CD163L1: variants seen among roughly 807,000 people sequenced by gnomAD.
CD163L1 encodes CD163 molecule like 1.
A neutral mutation model predicts 165.4 loss-of-function variants in CD163L1; 124 were observed. The ratio of observed to expected loss-of-function variants is 0.75; its 90% confidence interval spans 0.65 to 0.87. CD163L1 has a LOEUF of 0.87. Among genes scored for constraint, CD163L1 ranks in the 40% least tolerant of loss-of-function variants. The pLI is 0.00. For missense variants in CD163L1, 1,525 were observed against 1,799.9 expected (o/e 0.85, Z 2.76); for synonymous variants, 585 against 662.2 (o/e 0.88, Z 1.79).
At chr12:7,358,390 T>C (rs902503201) in intron 18 of CD163L1, among the ~76,000 whole-genome samples, 1 of 152,074 alleles carries the variant, frequency 6.6e-6, no homozygotes, top group Non-Finnish European at 1.5e-5. Context: ...CATTTTGAAG[T>C]ACATATAAAA....
In CD163L1 at chr12:7,432,857, T is replaced by A. The variant is rs1948653258; in HGVS notation, c.446-121A>T. The A allele has an allele frequency of 2.5e-6, 2 of 786,808 alleles. No individual in the cohort carries two copies. The highest frequency in any genetic ancestry group is 3.8e-6 in the Non-Finnish European group (2 of 527,566). 48.7% of individuals were successfully genotyped at this position (786,808 alleles called of 1,614,324 possible). A position where few individuals can be genotyped will look rare whatever the true frequency, so the allele number is the denominator to read the frequency against. On this transcript the variant is annotated intron_variant, in intron 3 of 19. Coordinates refer to ENST00000313599, the MANE Select transcript of CD163L1 (RefSeq NM_174941.6). The surrounding 1 kb of genome is among the most constrained non-coding windows in gnomAD (Gnocchi z 4.2). Reference sequence around the variant, plus strand: ...GAAGTTACCAAAAATTAAAAAAAAATAACTGAAAATACTTATAGGAGGGGT... The same window carrying A: ...GAAGTTACCAAAAATTAAAAAAAAAAAACTGAAAATACTTATAGGAGGGGT...
intron 8 of CD163L1, among the ~76,000 whole-genome samples, chr12:7,389,467 T>C (rs531343460): frequency 2.6e-4 from 39 of 152,132 alleles, no homozygotes; most frequent in Middle Eastern, 3.4e-3. Flanking sequence ...ATCAAAACAA[T>C]TGAACTCATG....
chr12:7,410,243 A>T (rs370723148), intron 4 of CD163L1, among the ~76,000 whole-genome samples: 207 of 152,304 alleles, frequency 1.4e-3, no homozygotes, highest in African/African-American at 4.9e-3. Flanking sequence ...TAAGAAGACA[A>T]ATATTTGTGT....
chr12:7,353,432 C>T (rs1946722239), downstream of CD163L1, among the ~76,000 whole-genome samples: 1 of 149,846 alleles, frequency 6.7e-6, no homozygotes, highest in Admixed American at 7.1e-5. Context: ...TCCAATGAAA[C>T]TTAAGGAAGA....
intron 8 of CD163L1, among the ~76,000 whole-genome samples, chr12:7,390,117 T>C (rs900931580): frequency 6.6e-6 from 1 of 151,662 alleles, no homozygotes; most frequent in African/African-American, 2.4e-5. Flanking sequence ...TCACAAGTTC[T>C]CACTCATATA....
intron 2 of CD163L1, among the ~76,000 whole-genome samples, chr12:7,437,898 T>TAA (rs543607004): frequency 7.3e-6 from 1 of 137,706 alleles, no homozygotes; most frequent in East Asian, 2.0e-4. Context: ...TTTATTATTA[T>TAA]AAAAAAAAAA....
rs770815799 is a variant in CD163L1 at position 7,421,688 on chromosome 12, TAC to T, written c.766+10726_766+10727del. On this transcript the variant is annotated intron_variant, in intron 4 of 19. Coordinates refer to ENST00000313599, the MANE Select transcript of CD163L1 (RefSeq NM_174941.6). ...ATACATATACGTGCATATGTACATATACATATATGTATGTGTACATAAATACA... is the reference window on the plus strand; with the variant it reads ...ATACATATACGTGCATATGTACATATATATATGTATGTGTACATAAATACA... Among the ~76,000 whole-genome samples, 605 of 143,096 alleles carry T rather than the reference TAC, an allele frequency of 4.2e-3. 7 individuals are homozygous for T. The highest frequency in any genetic ancestry group is 0.015 in the African/African-American group (569 of 38,448). The allele number at this position is 143,096 out of a possible 152,430, so 93.9% of individuals were successfully genotyped here.
At chr12:7,348,058 C>A (rs750004655) in intron 4 of CD163L1, among the ~76,000 whole-genome samples, 24 of 152,244 alleles carry the variant, frequency 1.6e-4, no homozygotes, top group African/African-American at 5.8e-4. Context: ...TTTAAAGTAT[C>A]CCCTTCACTC....
chr12:7,364,146 T>C (rs185741805), intron 18 of CD163L1, among the ~76,000 whole-genome samples: 156 of 152,158 alleles, frequency 1.0e-3, no homozygotes, highest in African/African-American at 3.5e-3. Flanking sequence ...AGCAAATCAA[T>C]AAAAAAGTGA....
chr12:7,413,462 C>G (rs1261802043), intron 4 of CD163L1, among the ~76,000 whole-genome samples: 2 of 152,200 alleles, frequency 1.3e-5, no homozygotes, highest in African/African-American at 2.4e-5. Context: ...ACACATCCTA[C>G]CAACCAGCTC....
Position 7,368,020 on chromosome 12 carries a change from T to TCC in CD163L1, c.4183+65_4183+66dup, listed in dbSNP as rs750257640. On this transcript the variant is annotated intron_variant, in intron 17 of 19. Transcript: ENST00000313599. The surrounding 1 kb of genome is among the most constrained non-coding windows in gnomAD (Gnocchi z 4.3). ...GTGCATTTCTTCCATTCTGCAAGAA[T>TCC]CCCCCATCCTGTGTGCCCTTGGTGG... The TCC allele has an allele frequency of 2.2e-6, 2 of 893,048 alleles. No homozygotes were observed. 55.3% of individuals were successfully genotyped at this position (893,048 alleles called of 1,614,324 possible).
chr12:7,406,610 A>G lies in CD163L1; in HGVS notation c.1009T>C (p.Phe337Leu). Residue 337 changes from phenylalanine (F) to leucine (L), a missense_variant, in exon 5 of 20, where the codon TTT becomes CTT. Physicochemically the swap from Phe to Leu is conservative, Grantham distance 22. Coordinates refer to ENST00000313599, the MANE Select transcript of CD163L1 (RefSeq NM_174941.6). ...DGVSCSGNES[F>L]LWDCRHSGTV... is the part of the protein sequence containing the mutation. ...CCGGAATGTCTGCAGTCCCAAAGAA[A>G]AGATTCATTACCGGAGCAGGAGACA... 1 of 1,614,088 alleles carries G rather than the reference A, an allele frequency of 6.2e-7. No individual in the cohort carries two copies. Among genetic ancestry groups the G allele is most frequent in the Non-Finnish European group, 8.5e-7 (1 of 1,179,994 alleles).
chr12:7,425,931 C>T (rs778851947), intron 4 of CD163L1, among the ~76,000 whole-genome samples: 2 of 152,296 alleles, frequency 1.3e-5, no homozygotes, highest in Non-Finnish European at 1.5e-5. Flanking sequence ...ACCCATCAAT[C>T]CCATTACTGG....
At chr12:7,415,714 A>G (rs1428392549) in intron 4 of CD163L1, among the ~76,000 whole-genome samples, 1 of 152,114 alleles carries the variant, frequency 6.6e-6, no homozygotes, top group East Asian at 1.9e-4. Flanking sequence ...GCTGAGAATG[A>G]TGGTTTCCAG....
At chr12:7,329,722 T>G in the CD163L1 span, among the ~76,000 whole-genome samples, 1 of 152,110 alleles carries the variant, frequency 6.6e-6, no homozygotes, top group African/African-American at 2.4e-5. Context: ...AGTAACATGC[T>G]CAAATGTCAG....
At chr12:7,379,323 T>G in intron 8 of CD163L1, 25 bp from the exon 9 acceptor site, 1 of 1,608,586 alleles carries the variant, frequency 6.2e-7, no homozygotes. Flanking sequence ...CACAATGATT[T>G]TAGAGAAGCA....
Position 7,398,664 on chromosome 12 carries a change from C to A in CD163L1, c.1409-80G>T, listed in dbSNP as rs1441982792. The A allele has an allele frequency of 3.2e-6, 4 of 1,262,514 alleles. No individual in the cohort carries two copies. Among genetic ancestry groups the A allele is most frequent in the South Asian group, 1.7e-5 (1 of 60,404 alleles). The allele number at this position is 1,262,514 out of a possible 1,614,324, so 78.2% of individuals were successfully genotyped here. A position where few individuals can be genotyped will look rare whatever the true frequency, so the allele number is the denominator to read the frequency against. ...AGACTGAAAAGACTCTCTAAATTCA[C>A]GACTATAAGGCTTTGCCTAACAGGT... On this transcript the variant is annotated intron_variant, in intron 6 of 19. Transcript: ENST00000313599. This position sits in a 1 kb window ranked among gnomAD's most constrained non-coding sequence, Gnocchi z 4.5.
At chr12:7,418,823 A>G (rs1948294090) in intron 4 of CD163L1, among the ~76,000 whole-genome samples, 1 of 152,100 alleles carries the variant, frequency 6.6e-6, no homozygotes, top group Non-Finnish European at 1.5e-5. Context: ...TCTAGATTAA[A>G]CCAGGAAGAA....
downstream of CD163L1, among the ~76,000 whole-genome samples, chr12:7,351,046 TC>T (rs1256568598): frequency 2.0e-5 from 3 of 152,190 alleles, no homozygotes; most frequent in African/African-American, 7.2e-5. Flanking sequence ...TTTCTTCTTA[TC>T]CAGGATTCAG....
Sources: allele counts gnomAD v4.1 joint callset (sites outside exome capture counted in the v4.1 genomes callset), GRCh38; gene constraint gnomAD v4.1.1; non-coding constraint Gnocchi (gnomAD v3.1); transcripts MANE v1.5; gene names NCBI Gene and HGNC (gene_info 2026-07-23, HGNC 2026-07-21).